Variants in CCDC82 observed in about 807,000 individuals in gnomAD.
CCDC82 encodes coiled-coil domain-containing protein 82.
A neutral mutation model predicts 60.6 loss-of-function variants in CCDC82; 47 were observed. That is an observed-to-expected ratio of 0.77 (90% CI 0.61 to 0.99). The LOEUF (loss-of-function observed/expected upper bound fraction) is 0.99, where lower values mean the gene tolerates loss of function less well. Ranked by LOEUF, CCDC82 falls within the 50% of genes least tolerant of loss-of-function variation. The pLI, the probability that CCDC82 is intolerant of heterozygous loss-of-function variation, is 0.00. For synonymous variants in CCDC82, 212 were observed against 207.4 expected, an observed-to-expected ratio of 1.02 and a Z score of -0.19; for missense variants, 588 against 633.0, an observed-to-expected ratio of 0.93 and a Z score of 0.76.
intron 9 of CCDC82, chr11:96,358,577 C>G: frequency 1.6e-6 from 2 of 1,235,156 alleles, no homozygotes; most frequent in Non-Finnish European, 2.0e-6. Context: ...TTTCCTCAGA[C>G]TGGCACCAGG....
chr11:96,380,306 G>A (rs1865803763), intron 5 of CCDC82, among the ~76,000 whole-genome samples: 1 of 151,700 alleles, frequency 6.6e-6, no homozygotes, highest in Non-Finnish European at 1.5e-5. Context: ...AGGAAAAAGA[G>A]TTTGTAGGGA....
intron 9 of CCDC82, chr11:96,358,179 C>A: frequency 1.0e-6 from 1 of 992,264 alleles, no homozygotes; most frequent in South Asian, 4.7e-5. Context: ...AGGCTTTTTT[C>A]TTTTCTTTAA....
intron 7 of CCDC82, among the ~76,000 whole-genome samples, chr11:96,369,987 TGAA>T (rs1242655061): frequency 6.6e-6 from 1 of 152,216 alleles, no homozygotes; most frequent in Non-Finnish European, 1.5e-5. Context: ...TTTCCACCTA[TGAA>T]GAAGAAATGG....
intron 6 of CCDC82, among the ~76,000 whole-genome samples, chr11:96,372,668 A>G (rs1489904639): frequency 6.9e-6 from 1 of 145,712 alleles, no homozygotes; most frequent in Non-Finnish European, 1.5e-5. Context: ...AAATATATAT[A>G]AACATATATA....
rs79842110 is a variant in CCDC82 at position 96,373,840 on chromosome 11, T to C, written c.992-373A>G. On this transcript the variant is annotated intron_variant, in intron 5 of 9. Coordinates refer to ENST00000646818, the MANE Select transcript of CCDC82 (RefSeq NM_024725.4). ...GAGAAAACCTCCAAAGACAGATTAA[T>C]ATGTCTTATTCTGTAAAACGCGTTA... is the stretch of plus-strand genomic sequence containing the variant. Among the ~76,000 whole-genome samples the C allele has an allele frequency of 7.6e-3, 1,153 of 152,294 alleles. 10 individuals are homozygous for C. Among genetic ancestry groups the C allele is most frequent in the African/African-American group, 0.026 (1,098 of 41,562 alleles).
chr11:96,384,053 A>G lies in CCDC82; in HGVS notation c.695T>C (p.Leu232Ser), dbSNP rs758694149. 1.1e-5 allele frequency: 18 copies of G among 1,613,698 alleles called. No individual in the cohort carries two copies. Among genetic ancestry groups the G allele is most frequent in the Non-Finnish European group, 1.4e-5 (17 of 1,179,726 alleles). ...AAGTTTTTCTCGCTTTTGTGCAGCT[A>G]ATGTTTTTTCAGGAGTCTTTTGCTC... ...EMEQKTPEKT[L>S]AAQKREKLQK... is the part of the protein sequence containing the mutation. The change falls in exon 4 of 10, where the codon TTA (leucine) becomes TCA (serine). Residue 232 changes from leucine (L) to serine (S), a missense_variant. Transcript: ENST00000646818.
At chr11:96,361,935 C>A (rs185069201) in intron 8 of CCDC82, among the ~76,000 whole-genome samples, 25 of 152,276 alleles carry the variant, frequency 1.6e-4, no homozygotes, top group Non-Finnish European at 2.8e-4. Context: ...GAAGATGACA[C>A]ATAAATGATG....
At chr11:96,365,671 G>A (rs1463484751) in intron 7 of CCDC82, among the ~76,000 whole-genome samples, 1 of 152,156 alleles carries the variant, frequency 6.6e-6, no homozygotes, top group South Asian at 2.1e-4. Context: ...GGACTGCCAC[G>A]TGTCTGGTAT....
At chr11:96,355,968 T>C (rs1429406633) in intron 9 of CCDC82, 1 of 152,010 alleles carries the variant, frequency 6.6e-6, no homozygotes, top group African/African-American at 2.4e-5. Context: ...TACTCAGAAG[T>C]AGTAGCTACA....
intron 5 of CCDC82, among the ~76,000 whole-genome samples, chr11:96,375,805 A>T (rs991532012): frequency 6.6e-6 from 1 of 152,338 alleles, no homozygotes; most frequent in South Asian, 2.1e-4. Context: ...TGGATGGAAA[A>T]CTGGAGAAAA....
intron 7 of CCDC82, among the ~76,000 whole-genome samples, chr11:96,369,727 T>C (rs147468353): frequency 2.2e-4 from 33 of 152,174 alleles, no homozygotes; most frequent in Non-Finnish European, 4.0e-4. Context: ...GTGACAGAGA[T>C]GAATAAGCAT....
At chr11:96,373,867 A>G (rs1249228521) in intron 5 of CCDC82, among the ~76,000 whole-genome samples, 3 of 152,236 alleles carry the variant, frequency 2.0e-5, no homozygotes, top group Non-Finnish European at 2.9e-5. Flanking sequence ...AACGCGTTAC[A>G]TATGAAATTG....
intron 8 of CCDC82, chr11:96,363,725 T>C (rs889873873): frequency 6.6e-6 from 1 of 152,214 alleles, no homozygotes; most frequent in Non-Finnish European, 1.5e-5. Flanking sequence ...GGAATCTTAC[T>C]TTCCATGAAC....
In CCDC82 at chr11:96,353,541, GAAGA is replaced by G; in HGVS notation, c.*101_*104del. 1 of 867,450 alleles carries G rather than the reference GAAGA, an allele frequency of 1.2e-6. No homozygotes were observed. Among genetic ancestry groups the G allele is most frequent in the Non-Finnish European group, 1.9e-6 (1 of 533,990 alleles). 53.7% of individuals were successfully genotyped at this position (867,450 alleles called of 1,614,324 possible). A position where few individuals can be genotyped will look rare whatever the true frequency, so the allele number is the denominator to read the frequency against. Reference sequence around the variant, plus strand: ...TGTTTTAAACAAAATATTTTGCCATGAAGATATAGATAAAATGTACAAACATGTC... The same window carrying G: ...TGTTTTAAACAAAATATTTTGCCATGTATAGATAAAATGTACAAACATGTC... On this transcript the variant is annotated 3_prime_UTR_variant, in exon 10 of 10. Coordinates refer to ENST00000646818, the MANE Select transcript of CCDC82 (RefSeq NM_024725.4).
chr11:96,360,498 A>G (rs1565301663), intron 8 of CCDC82, among the ~76,000 whole-genome samples: 1 of 151,958 alleles, frequency 6.6e-6, no homozygotes, highest in Non-Finnish European at 1.5e-5. Flanking sequence ...CCCAGCCAAT[A>G]TATTTTTACC....
chr11:96,382,192 T>TA (rs1865909622), intron 5 of CCDC82: 1 of 151,842 alleles, frequency 6.6e-6, no homozygotes, highest in Non-Finnish European at 1.5e-5. Flanking sequence ...TTTCATGAAA[T>TA]ACCATTTTTA....
At chr11:96,369,889 T>A (rs972888730) in intron 7 of CCDC82, among the ~76,000 whole-genome samples, 2 of 152,232 alleles carry the variant, frequency 1.3e-5, no homozygotes, top group Non-Finnish European at 2.9e-5. Flanking sequence ...TTAAACAGTA[T>A]TTATGCCATG....
intron 5 of CCDC82, among the ~76,000 whole-genome samples, chr11:96,378,241 A>G (rs1366336739): frequency 2.0e-5 from 3 of 151,926 alleles, no homozygotes; most frequent in Non-Finnish European, 4.4e-5. Flanking sequence ...ATTTTTGGCA[A>G]TTCTTATTTT....
chr11:96,363,533 T>A (rs966922351), intron 8 of CCDC82: 5 of 152,248 alleles, frequency 3.3e-5, no homozygotes, highest in Non-Finnish European at 7.3e-5. Flanking sequence ...GTGCAAATAC[T>A]AATTGTTATC....
Sources: gnomAD v4.1 joint callset for allele counts (sites outside exome capture counted in the v4.1 genomes callset) on GRCh38, gnomAD v4.1.1 for gene constraint, MANE v1.5 for transcripts, NCBI Gene and HGNC (gene_info 2026-07-23, HGNC 2026-07-21) for gene names.